RNF169: variants seen among roughly 807,000 people sequenced by gnomAD.
The protein encoded by RNF169 is ring finger protein 169.
Under a neutral mutation model 53.9 loss-of-function variants are expected in RNF169, and 24 were observed. The ratio of observed to expected loss-of-function variants is 0.45; its 90% CI spans 0.32 to 0.63. The LOEUF is 0.63. Among genes scored for constraint, RNF169 ranks in the 20% least tolerant of loss-of-function variants. The pLI is 0.04. For missense variants in RNF169, 883 were observed against 906.2 expected (o/e 0.97, Z 0.33); for synonymous variants, 396 against 363.5 (o/e 1.09, Z -1.02).
At chr11:74,769,658 GA>G (rs1460967654) in intron 1 of RNF169, among the ~76,000 whole-genome samples, 10 of 152,136 alleles carry the variant, frequency 6.6e-5, no homozygotes, top group Admixed American at 6.6e-4. Context: ...GATAAATCTG[GA>G]AAAAATACTT....
At chr11:74,826,604 C>T (rs1212881420) in intron 4 of RNF169, among the ~76,000 whole-genome samples, 2 of 152,198 alleles carry the variant, frequency 1.3e-5, no homozygotes, top group African/African-American at 4.8e-5. Context: ...TAAGGCAAGT[C>T]CCTGCTGCCT....
chr11:74,800,312 TA>T (rs1439367737), intron 2 of RNF169, among the ~76,000 whole-genome samples: 1 of 152,130 alleles, frequency 6.6e-6, no homozygotes, highest in Non-Finnish European at 1.5e-5. Context: ...CATTTGAGAG[TA>T]AACTTTTTTG....
rs1196146284 is a variant in RNF169 at position 74,840,135 on chromosome 11, G to A, written c.*3405G>A. ...ACCGTGCCTGACTCATGTAGCTGATGACCGAAGGCTCATCCTTTCTTTTCT... is the reference window on the plus strand; with the variant it reads ...ACCGTGCCTGACTCATGTAGCTGATAACCGAAGGCTCATCCTTTCTTTTCT... On this transcript the variant is annotated 3_prime_UTR_variant, in exon 6 of 6. Coordinates refer to ENST00000299563, the MANE Select transcript of RNF169 (RefSeq NM_001098638.2). 2 of 152,228 alleles carry A rather than the reference G, an allele frequency of 1.3e-5. No individual in the cohort carries two copies. The highest frequency in any genetic ancestry group is 4.8e-5 in the African/African-American group (2 of 41,458). The allele number at this position is 152,228 out of a possible 1,614,324, so 9.4% of individuals were successfully genotyped here.
intron 1 of RNF169, among the ~76,000 whole-genome samples, chr11:74,753,909 TTATGCATTCACGG>T (rs926815292): frequency 3.9e-5 from 6 of 152,236 alleles, no homozygotes; most frequent in African/African-American, 1.4e-4. Context: ...TTTAATTCTT[TTATGCATTCACGG>T]TTTGCTTTTG....
At chr11:74,798,051 C>T (rs915806900) in intron 2 of RNF169, among the ~76,000 whole-genome samples, 2 of 152,020 alleles carry the variant, frequency 1.3e-5, no homozygotes, top group Admixed American at 6.6e-5. Flanking sequence ...TCCTGTCAGC[C>T]GAGGAGGATG....
intron 4 of RNF169, among the ~76,000 whole-genome samples, chr11:74,819,903 G>A (rs1565185197): frequency 6.6e-6 from 1 of 152,156 alleles, no homozygotes; most frequent in Non-Finnish European, 1.5e-5. Context: ...TTTCTAACGT[G>A]CAGATACTTT....
rs1050279725 is a variant in RNF169, at chr11:74,839,979, G to A, written c.*3249G>A. ...TTAATTTTTAAATTTTTGCTTGGAAGCAGCACTGGTAATAAATGTTTTATT... is the reference window on the plus strand; with the variant it reads ...TTAATTTTTAAATTTTTGCTTGGAAACAGCACTGGTAATAAATGTTTTATT... On this transcript the variant is annotated 3_prime_UTR_variant, in exon 6 of 6. Coordinates refer to ENST00000299563, the MANE Select transcript of RNF169 (RefSeq NM_001098638.2). The A allele has an allele frequency of 1.3e-5, 2 of 152,132 alleles. No homozygotes were observed. Among genetic ancestry groups the A allele is most frequent in the Admixed American group, 6.5e-5 (1 of 15,276 alleles). The allele number at this position is 152,132 out of a possible 1,614,324, so 9.4% of individuals were successfully genotyped here. A position where few individuals can be genotyped will look rare whatever the true frequency, so the allele number is the denominator to read the frequency against.
At position 74,749,061 on chromosome 11, in the gene RNF169, CCGCGGCCGG is replaced by C. The variant is rs1238532544; in HGVS notation, c.182_190del (p.Pro61_Glu64delinsGln). On this transcript the variant is annotated inframe_deletion, in exon 1 of 6. Transcript: ENST00000299563. The stretch of plus-strand genomic sequence containing the variant: ...GCCGTTGCTGCAGCCGCCGCTGCCG[CCGCGGCCGG>C]AGGAATCGGGCTGCGCCGGGTGCCT... 5 of 1,467,842 alleles carry C rather than the reference CCGCGGCCGG, an allele frequency of 3.4e-6. No individual in the cohort carries two copies. The African/African-American group carries it at 7.3e-5, about 22-fold the overall frequency. The allele number at this position is 1,467,842 out of a possible 1,614,324, so 90.9% of individuals were successfully genotyped here.
At chr11:74,787,398 T>C (rs2035519270) in intron 1 of RNF169, among the ~76,000 whole-genome samples, 1 of 152,168 alleles carries the variant, frequency 6.6e-6, no homozygotes, top group South Asian at 2.1e-4. Flanking sequence ...CTCTTAACCA[T>C]ATAAAAACAC....
chr11:74,827,682 A>G (rs968921059), intron 4 of RNF169, among the ~76,000 whole-genome samples: 1 of 152,212 alleles, frequency 6.6e-6, no homozygotes, highest in African/African-American at 2.4e-5. Context: ...CAGCGTAGGC[A>G]AATCAATAAA....
At chr11:74,826,740 C>G (rs1299640161) in intron 4 of RNF169, among the ~76,000 whole-genome samples, 1 of 152,248 alleles carries the variant, frequency 6.6e-6, no homozygotes, top group African/African-American at 2.4e-5. Context: ...AGGCCCCATG[C>G]AAGTCTGAAA....
intron 1 of RNF169, among the ~76,000 whole-genome samples, chr11:74,775,525 G>GT (rs529289036): frequency 4.4e-4 from 64 of 146,338 alleles, no homozygotes; most frequent in Non-Finnish European, 4.4e-4. Flanking sequence ...TCTCTGTTCT[G>GT]TTTTTTTTTT....
At position 74,816,729 on chromosome 11, in the gene RNF169, C is replaced by T. The variant is rs190370793; in HGVS notation, c.724-867C>T. Among the ~76,000 whole-genome samples the T allele has an allele frequency of 9.2e-5, 14 of 152,200 alleles. No homozygotes were observed. The South Asian group carries it at 2.5e-3, about 27-fold the overall frequency. Reference sequence around the variant, plus strand: ...ATAGAGGTTTTGAAAGACTGTGGTACGTGTGGAGAGTAAAAAGTAGTTTGG... The same window carrying T: ...ATAGAGGTTTTGAAAGACTGTGGTATGTGTGGAGAGTAAAAAGTAGTTTGG... On this transcript the variant is annotated intron_variant, in intron 3 of 5. Coordinates refer to ENST00000299563, the MANE Select transcript of RNF169 (RefSeq NM_001098638.2).
chr11:74,836,481 C>G lies in RNF169; in HGVS notation c.1878C>G (p.Cys626Trp), dbSNP rs769331704. ...TGCGTCGAGGCCGGAAAAGACACTG[C>G]AAGACCAAGCACTTAGAACAAAATG... ...PSLRRGRKRH[C>W]KTKHLEQNGS... The change falls in exon 6 of 6, where the codon TGC becomes TGG. Residue 626 changes from cysteine to tryptophan, a missense_variant. Cys to Trp is a radical substitution (Grantham distance 215). Transcript: ENST00000299563. 6.2e-7 allele frequency: 1 copy of G among 1,614,196 alleles called. No homozygotes were observed. The highest frequency in any genetic ancestry group is 8.5e-7 in the Non-Finnish European group (1 of 1,180,046).
At chr11:74,771,907 A>G (rs1257328546) in intron 1 of RNF169, among the ~76,000 whole-genome samples, 1 of 152,146 alleles carries the variant, frequency 6.6e-6, no homozygotes, top group Non-Finnish European at 1.5e-5. Context: ...TAAAACAAAA[A>G]ACATAAATCA....
intron 4 of RNF169, 33 bp downstream of exon 4, chr11:74,817,747 C>A: frequency 3.6e-6 from 5 of 1,385,362 alleles, no homozygotes; most frequent in Non-Finnish European, 5.1e-6. Flanking sequence ...AGTCAGGGGT[C>A]TTTGGTTTTG....
At position 74,837,053 on chromosome 11, in the gene RNF169, T is replaced by C. The variant is rs2036267994; in HGVS notation, c.*323T>C. The C allele has an allele frequency of 4.9e-6, 1 of 202,070 alleles. No homozygotes were observed. Among genetic ancestry groups the C allele is most frequent in the Admixed American group, 5.4e-5 (1 of 18,476 alleles). The allele number at this position is 202,070 out of a possible 1,614,324, so 12.5% of individuals were successfully genotyped here. On this transcript the variant is annotated 3_prime_UTR_variant, in exon 6 of 6. Coordinates refer to ENST00000299563, the MANE Select transcript of RNF169 (RefSeq NM_001098638.2). ...GTAAAGAGGGGATACCTTCTTAAAC[T>C]GATAGACTTCCTGACTTCTTTCAGC...
At chr11:74,784,845 T>A (rs994087692) in intron 1 of RNF169, among the ~76,000 whole-genome samples, 9 of 152,248 alleles carry the variant, frequency 5.9e-5, no homozygotes, top group African/African-American at 2.2e-4. Flanking sequence ...AGGATAGACA[T>A]CTTCTCCCAC....
intron 2 of RNF169, among the ~76,000 whole-genome samples, chr11:74,790,988 G>T (rs1372466209): frequency 2.6e-5 from 4 of 152,218 alleles, no homozygotes; most frequent in Non-Finnish European, 5.9e-5. Context: ...CTGCCATTCG[G>T]CGGGTCCCAA....
Sources: gnomAD v4.1 joint callset for allele counts (sites outside exome capture counted in the v4.1 genomes callset) on GRCh38, gnomAD v4.1.1 for gene constraint, MANE v1.5 for transcripts, NCBI Gene and HGNC (gene_info 2026-07-23, HGNC 2026-07-21) for gene names.